The following TBC1D1 variants were observed in gnomAD, a reference collection of about 807,000 sequenced individuals.
TBC1D1 encodes TBC1 (tre-2/USP6, BUB2, cdc16) domain family, member 1.
A neutral mutation model predicts 125.6 loss-of-function variants in TBC1D1; 89 were observed. That is an observed-to-expected ratio of 0.71 (90% CI 0.60 to 0.85). The LOEUF (loss-of-function observed/expected upper bound fraction) is 0.85, where lower values mean the gene tolerates loss of function less well. Ranked by LOEUF, TBC1D1 falls within the 40% of genes least tolerant of loss-of-function variation. The pLI is 0.00. For synonymous variants in TBC1D1, 565 were observed against 564.1 expected, an observed-to-expected ratio of 1.00 and a Z score of -0.02; for missense variants, 1,377 against 1,469.2, an observed-to-expected ratio of 0.94 and a Z score of 1.03.
intron 2 of TBC1D1, among the ~76,000 whole-genome samples, chr4:37,999,534 G>C (rs1446613539): frequency 6.6e-6 from 1 of 152,152 alleles, no homozygotes; most frequent in Non-Finnish European, 1.5e-5. Context: ...CGTGGTGTAG[G>C]GGAAGGGCTC....
At chr4:37,897,538 T>C (rs1173285410) in intron 1 of TBC1D1, among the ~76,000 whole-genome samples, 10 of 152,214 alleles carry the variant, frequency 6.6e-5, no homozygotes, top group Non-Finnish European at 1.2e-4. Flanking sequence ...CATTGAAATG[T>C]TTTGTCAATG....
chr4:38,112,812 G>A lies in TBC1D1; in HGVS notation c.2558-2898G>A, dbSNP rs1258965407. 8.5e-5 allele frequency among the ~76,000 whole-genome samples: 13 copies of A among 152,268 alleles called. No individual in the cohort carries two copies. In the East Asian group the frequency reaches 1.9e-3, roughly 23 times the overall value. On this transcript the variant is annotated intron_variant, in intron 15 of 19. Coordinates refer to ENST00000261439, the MANE Select transcript of TBC1D1 (RefSeq NM_015173.4). ...AACTGGAGGCCAGTGCCTGTCGAGC[G>A]GGTCCCCACACTCCATCTGTGTGAC...
In TBC1D1 at chr4:38,049,762, A is replaced by G; in HGVS notation, c.1774A>G (p.Arg592Gly). 6.2e-7 allele frequency: 1 copy of G among 1,614,122 alleles called. No homozygotes were observed. The highest frequency in any genetic ancestry group is 8.5e-7 in the Non-Finnish European group (1 of 1,180,008). The stretch of plus-strand genomic sequence containing the variant: ...GCTGTCGCCCCAGCAGGCCTTCAGG[A>G]GGCGAGCAAACACCCTGAGTCACTT... The change falls in exon 11 of 20, where the codon AGG becomes GGG. Residue 592 changes from arginine to glycine, a missense_variant. Coordinates refer to ENST00000261439, the MANE Select transcript of TBC1D1 (RefSeq NM_015173.4).
At chr4:37,929,886 G>A (rs1722918332) in intron 2 of TBC1D1, among the ~76,000 whole-genome samples, 2 of 152,060 alleles carry the variant, frequency 1.3e-5, no homozygotes, top group African/African-American at 2.4e-5. Flanking sequence ...AGAAAAAGGA[G>A]GAGAAAGATG....
At chr4:38,015,748 A>C (rs1382325277) in intron 3 of TBC1D1, among the ~76,000 whole-genome samples, 5 of 152,198 alleles carry the variant, frequency 3.3e-5, no homozygotes, top group African/African-American at 1.2e-4. Flanking sequence ...ATTATCTTAA[A>C]TATAAAGTCT....
At chr4:37,976,800 C>T (rs1447244036) in intron 2 of TBC1D1, among the ~76,000 whole-genome samples, 1 of 152,196 alleles carries the variant, frequency 6.6e-6, no homozygotes, top group Non-Finnish European at 1.5e-5. Flanking sequence ...TTGCTAAAGC[C>T]TCCTGGCAGG....
intron 2 of TBC1D1, among the ~76,000 whole-genome samples, chr4:38,004,825 A>C (rs1312425814): frequency 2.0e-5 from 3 of 152,246 alleles, no homozygotes; most frequent in Admixed American, 1.3e-4. Context: ...TAGAAACCGA[A>C]GATAATTAAA....
At position 37,977,355 on chromosome 4, in the gene TBC1D1, C is replaced by CCCGCCGCCGCCGCCGCCG. The variant is rs560011151; in HGVS notation, c.418-37147_418-37130dup. The CCCGCCGCCGCCGCCGCCG allele has an allele frequency of 8.1e-6, 2 of 246,876 alleles. No homozygotes were observed. Among genetic ancestry groups the CCCGCCGCCGCCGCCGCCG allele is most frequent in the African/African-American group, 2.4e-5 (1 of 41,122 alleles). The allele number at this position is 246,876 out of a possible 1,614,324, so 15.3% of individuals were successfully genotyped here. A position where few individuals can be genotyped will look rare whatever the true frequency, so the allele number is the denominator to read the frequency against. ...CGGGGCAGTGACGAACTGGGTGGAGCCCGCCGCCGCCGCCGCCGCCGCCGG... is the reference window on the plus strand; with the variant it reads ...CGGGGCAGTGACGAACTGGGTGGAGCCCGCCGCCGCCGCCGCCGCCGCCGCCGCCGCCGCCGCCGCCGG... On this transcript the variant is annotated intron_variant, in intron 2 of 19. Coordinates refer to ENST00000261439, the MANE Select transcript of TBC1D1 (RefSeq NM_015173.4). The surrounding 1 kb of genome is among the most constrained non-coding windows in gnomAD (Gnocchi z 4.3).
In TBC1D1 at chr4:38,020,573, G is replaced by A. The variant is rs558252842; in HGVS notation, c.973-18G>A. On this transcript the variant is annotated intron_variant, in intron 4 of 19. Transcript: ENST00000261439. Reference sequence around the variant, plus strand: ...TCTTCTGGATACAACTGAACATCTCGTTCTCTCCCTTTGGCAGGGCATCAG... The same window carrying A: ...TCTTCTGGATACAACTGAACATCTCATTCTCTCCCTTTGGCAGGGCATCAG... 3.1e-6 allele frequency: 5 copies of A among 1,606,980 alleles called. No homozygotes were observed. Among genetic ancestry groups the A allele is most frequent in the East Asian group, 4.5e-5 (2 of 44,522 alleles).
intron 7 of TBC1D1, among the ~76,000 whole-genome samples, chr4:38,028,750 A>G (rs1263047765): frequency 6.6e-6 from 1 of 152,226 alleles, no homozygotes; most frequent in African/African-American, 2.4e-5. Context: ...GCATGTACTC[A>G]TCTGTTCCCT....
chr4:38,052,988 C>G, intron 11 of TBC1D1, 118 bp from the exon 13 acceptor site: 3 of 647,732 alleles, frequency 4.6e-6, no homozygotes, highest in Non-Finnish European at 6.8e-6. Context: ...AATTTCTTAC[C>G]TAGTTTTCTT....
At chr4:38,050,099 G>A (rs556062788) in intron 11 of TBC1D1, among the ~76,000 whole-genome samples, 4 of 152,290 alleles carry the variant, frequency 2.6e-5, no homozygotes, top group Admixed American at 1.3e-4. Context: ...TTGTCAGGAA[G>A]CAAGTGAAAG....
intron 16 of TBC1D1, among the ~76,000 whole-genome samples, chr4:38,116,342 C>T (rs1187187813): frequency 3.3e-5 from 5 of 152,202 alleles, no homozygotes; most frequent in Admixed American, 2.6e-4. Context: ...TCCTCTGCCT[C>T]ACCCCCACCC....
intron 2 of TBC1D1, chr4:37,960,715 C>G (rs1273146343): frequency 6.2e-7 from 1 of 1,614,082 alleles, no homozygotes; most frequent in Non-Finnish European, 8.5e-7. Context: ...AAAAAGATGA[C>G]CGAGAAGACT....
At chr4:38,015,076 A>G in intron 3 of TBC1D1, 103 bp downstream of exon 3, 1 of 943,490 alleles carries the variant, frequency 1.1e-6, no homozygotes, top group African/African-American at 1.7e-5. Flanking sequence ...CTTTTGATTT[A>G]TGTGTGAATC....
At chr4:38,065,004 C>T (rs765519604) in intron 12 of TBC1D1, among the ~76,000 whole-genome samples, 1 of 152,048 alleles carries the variant, frequency 6.6e-6, no homozygotes, top group Non-Finnish European at 1.5e-5. Context: ...CATCTCTGCT[C>T]ACTGCAACCT....
At chr4:38,136,310 CT>C (rs1460983398) in intron 19 of TBC1D1, among the ~76,000 whole-genome samples, 1 of 152,158 alleles carries the variant, frequency 6.6e-6, no homozygotes, top group Non-Finnish European at 1.5e-5. Context: ...CTCATTCCTC[CT>C]CTGTAGGGTG....
intron 2 of TBC1D1, among the ~76,000 whole-genome samples, chr4:37,988,665 T>A (rs374080384): frequency 6.6e-6 from 1 of 152,198 alleles, no homozygotes; most frequent in African/African-American, 2.4e-5. Flanking sequence ...ATAGGTGAGA[T>A]GTCTTTCCCA....
At chr4:37,930,521 C>T (rs1209686055) in intron 2 of TBC1D1, among the ~76,000 whole-genome samples, 1 of 151,872 alleles carries the variant, frequency 6.6e-6, no homozygotes, top group East Asian at 1.9e-4. Context: ...AAGACAGAGT[C>T]TTCCTGTATT....
Sources: allele counts gnomAD v4.1 joint callset (sites outside exome capture counted in the v4.1 genomes callset), GRCh38; gene constraint gnomAD v4.1.1; non-coding constraint Gnocchi (gnomAD v3.1); transcripts MANE v1.5; gene names NCBI Gene and HGNC (gene_info 2026-07-23, HGNC 2026-07-21).